PPEF1: variants seen among roughly 807,000 people sequenced by gnomAD.
PPEF1 encodes serine/threonine-protein phosphatase with EF-hands 1.
Under a neutral mutation model 53.3 loss-of-function variants are expected in PPEF1, and 12 were observed. The ratio of observed to expected loss-of-function variants is 0.23; its 90% CI spans 0.14 to 0.36. The LOEUF (loss-of-function observed/expected upper bound fraction) is 0.36. Among genes scored for constraint, PPEF1 ranks in the 10% least tolerant of loss-of-function variants. The pLI is 1.00. For synonymous variants in PPEF1, 165 were observed against 176.7 expected (o/e 0.93, Z 0.52); for missense variants, 334 against 490.4 (o/e 0.68, Z 3.01).
chrX:18,751,840 C>T (rs963039777), intron 4 of PPEF1, among the ~76,000 whole-genome samples: 7 of 112,547 alleles, frequency 6.2e-5, no homozygotes, highest in African/African-American at 2.3e-4. Context: ...ATTGGACTCT[C>T]AGTTCTATTC....
At chrX:18,684,529 A>G in intron 1 of PPEF1, among the ~76,000 whole-genome samples, 1 of 110,423 alleles carries the variant, frequency 9.1e-6, no homozygotes, top group Admixed American at 9.7e-5. Flanking sequence ...AGAGATGGCC[A>G]CTCGAGAGAG....
At chrX:18,680,492 G>T (rs766344600), upstream of PPEF1, among the ~76,000 whole-genome samples, 27 of 99,163 alleles carry the variant, frequency 2.7e-4, no homozygotes, top group African/African-American at 1.0e-3. Context: ...GCAATGGCGT[G>T]ATCTCGGTTC....
At chrX:18,694,477 A>G (rs1381107214) in intron 4 of PPEF1, among the ~76,000 whole-genome samples, 2 of 111,761 alleles carry the variant, frequency 1.8e-5, no homozygotes, top group Admixed American at 9.5e-5. Flanking sequence ...TTAGCTGGGC[A>G]CAGTGGCTCA....
upstream of PPEF1, among the ~76,000 whole-genome samples, chrX:18,678,559 A>C (rs986665722): frequency 1.8e-5 from 2 of 112,012 alleles, no homozygotes; most frequent in Admixed American, 1.9e-4. Flanking sequence ...TGCTCTCTCC[A>C]GTTCTGTCCC....
chrX:18,820,989 C>T (rs1644101710), intron 13 of PPEF1, among the ~76,000 whole-genome samples: 1 of 109,026 alleles, frequency 9.2e-6, no homozygotes, highest in South Asian at 4.1e-4. Context: ...TTTGGGAGGC[C>T]GAGGAGGGTG....
At chrX:18,775,969 G>GCT (rs3831663) in intron 6 of PPEF1, among the ~76,000 whole-genome samples, 53,058 of 110,345 alleles carry the variant, frequency 0.48, 9,600 homozygotes, top group Non-Finnish European at 0.54. Context: ...TCACACACAT[G>GCT]CTGAGGCAGA....
intron 1 of PPEF1, among the ~76,000 whole-genome samples, chrX:18,723,904 A>G (rs1197006459): frequency 1.8e-5 from 2 of 109,873 alleles, no homozygotes; most frequent in African/African-American, 6.6e-5. Flanking sequence ...CTTGTGCCTC[A>G]GCCTCCCAAG....
Position 18,749,956 on chromosome X carries a change from A to AG in PPEF1, c.396+5dup. The stretch of plus-strand genomic sequence containing the variant: ...TGAGGCCTTCAAGGAACAACAGGTA[A>AG]GTGGAAGCAGATGCTGCCTTGATTC... On this transcript the variant is annotated splice_donor_region_variant and intron_variant, in intron 4 of 15. Coordinates refer to ENST00000470157, the MANE Select transcript of PPEF1 (RefSeq NM_001377996.1). 8.4e-7 allele frequency: 1 copy of AG among 1,193,098 alleles called. No homozygotes were observed. Among genetic ancestry groups the AG allele is most frequent in the Non-Finnish European group, 1.1e-6 (1 of 879,564 alleles).
chrX:18,761,432 C>A, intron 5 of PPEF1, 98 bp from the exon 6 acceptor site: 2 of 754,185 alleles, frequency 2.7e-6, no homozygotes, highest in South Asian at 4.4e-5. Flanking sequence ...AACCCAATGC[C>A]CTGAGAACAC....
At chrX:18,825,285 C>T (rs1310195575) in intron 14 of PPEF1, among the ~76,000 whole-genome samples, 1 of 110,845 alleles carries the variant, frequency 9.0e-6, no homozygotes, top group Admixed American at 9.7e-5. Context: ...CTAAAGTATC[C>T]CCAGGAAGGA....
chrX:18,710,763 A>G (rs1390768545), intron 1 of PPEF1, among the ~76,000 whole-genome samples: 1 of 111,665 alleles, frequency 9.0e-6, no homozygotes, highest in Non-Finnish European at 1.9e-5. Flanking sequence ...TGTGGAAAAC[A>G]TTATGGAGAT....
rs184167808 is a variant in PPEF1 at position 18,722,211 on chromosome X, T to C, written c.47-7970T>C. Among the ~76,000 whole-genome samples the C allele has an allele frequency of 2.7e-5, 3 of 112,717 alleles. No individual in the cohort carries two copies. In the East Asian group the frequency reaches 8.4e-4, roughly 31 times the overall value. ...CCTAGGCCAGAGTTCAGCCATATCC[T>C]CTTCTCATCATGCTTTGAACAGCTG... is the stretch of plus-strand genomic sequence containing the variant. On this transcript the variant is annotated intron_variant, in intron 1 of 15. Coordinates refer to ENST00000470157, the MANE Select transcript of PPEF1 (RefSeq NM_001377996.1).
At chrX:18,799,412 A>G in intron 10 of PPEF1, among the ~76,000 whole-genome samples, 1 of 112,094 alleles carries the variant, frequency 8.9e-6, no homozygotes, top group Non-Finnish European at 1.9e-5. Flanking sequence ...GTCTCAAAAA[A>G]TAAATGAATT....
upstream of PPEF1, among the ~76,000 whole-genome samples, chrX:18,704,427 A>G (rs2044154157): frequency 9.0e-6 from 1 of 111,031 alleles, no homozygotes; most frequent in South Asian, 3.8e-4. Flanking sequence ...TTGTTAGTAA[A>G]GCCTGGGAAT....
chrX:18,686,951 C>T (rs894928056), intron 3 of PPEF1, among the ~76,000 whole-genome samples: 3 of 110,956 alleles, frequency 2.7e-5, no homozygotes, highest in Non-Finnish European at 5.7e-5. Flanking sequence ...CAAGCTCGTC[C>T]CTCCATCCTG....
At chrX:18,819,174 G>C (rs1337022710) in intron 13 of PPEF1, among the ~76,000 whole-genome samples, 2 of 111,866 alleles carry the variant, frequency 1.8e-5, no homozygotes, top group Non-Finnish European at 3.8e-5. Context: ...CCATGAGTGA[G>C]AGTCAGCAGA....
rs150384408 is a variant in PPEF1, at chrX:18,806,435, T to C, written c.1284T>C (p.Tyr428=). ...CTATATTTTCTGCTTCTAATTATTA[T>C]GAAGAAGGCAGCAATCGAGGAGCTT... The part of the protein sequence containing the change: ...VVTIFSASNY[Y]EEGSNRGAYI... The change falls in exon 12 of 16, where the codon TAT becomes TAC. Residue 428 remains tyrosine, a synonymous_variant. Coordinates refer to ENST00000470157, the MANE Select transcript of PPEF1 (RefSeq NM_001377996.1). 5.0e-6 allele frequency: 6 copies of C among 1,206,482 alleles called. No individual in the cohort carries two copies. Among genetic ancestry groups the C allele is most frequent in the Middle Eastern group, 4.7e-4 (2 of 4,238 alleles).
chrX:18,822,755 G>T (rs962086710), intron 13 of PPEF1, among the ~76,000 whole-genome samples: 2 of 111,104 alleles, frequency 1.8e-5, no homozygotes, highest in African/African-American at 3.3e-5. Context: ...GAAATAAATG[G>T]GTGGGTATTA....
At chrX:18,689,058 A>G (rs1183756527) in intron 3 of PPEF1, among the ~76,000 whole-genome samples, 1 of 111,105 alleles carries the variant, frequency 9.0e-6, no homozygotes, top group African/African-American at 3.3e-5. Context: ...TTATATTAAT[A>G]CCGGAGAGGT....
Sources: allele counts gnomAD v4.1 joint callset (sites outside exome capture counted in the v4.1 genomes callset), GRCh38; gene constraint gnomAD v4.1.1; transcripts MANE v1.5; gene names NCBI Gene and HGNC (gene_info 2026-07-23, HGNC 2026-07-21).